Variants in COPG2 observed in about 807,000 individuals in gnomAD.
COPG2 encodes coatomer subunit gamma-2.
Under a neutral mutation model 46.3 loss-of-function variants are expected in COPG2, and 37 were observed. That is an observed-to-expected ratio of 0.80 (90% CI 0.61 to 1.05). COPG2 has a LOEUF of 1.05. Ranked by LOEUF, COPG2 falls within the 50% of genes least tolerant of loss-of-function variation. The probability of loss-of-function intolerance (pLI) is 0.00; values close to 1 mark genes in which losing one functional copy is unlikely to be tolerated. For missense variants in COPG2, 427 were observed against 387.8 expected (o/e 1.10, Z -0.85); for synonymous variants, 159 against 129.7 (o/e 1.23, Z -1.53).
chr7:130,531,098 T>A (rs1490651549), intron 20 of COPG2, among the ~76,000 whole-genome samples: 1 of 108,454 alleles, frequency 9.2e-6, no homozygotes, highest in African/African-American at 3.6e-5. Context: ...TGGGTCTGGG[T>A]TGGGGATGGG....
intron 6 of COPG2, 39 bp downstream of exon 6, chr7:130,616,951 A>T: frequency 7.5e-7 from 1 of 1,333,970 alleles, no homozygotes; most frequent in South Asian, 1.2e-5. Flanking sequence ...AGATAAACAT[A>T]GTGTTCCATT....
At chr7:130,584,498 C>G (rs1013324118) in intron 9 of COPG2, among the ~76,000 whole-genome samples, 3 of 151,934 alleles carry the variant, frequency 2.0e-5, no homozygotes, top group Non-Finnish European at 4.4e-5. Context: ...GCATCCAAAT[C>G]GATAAAGAGG....
chr7:130,586,367 T>C (rs1466370893), intron 9 of COPG2, among the ~76,000 whole-genome samples: 2 of 152,156 alleles, frequency 1.3e-5, no homozygotes, highest in South Asian at 2.1e-4. Context: ...GTGGAGTGTA[T>C]ACTGCTCAGG....
chr7:130,651,287 C>CT (rs1554459014), intron 5 of COPG2, among the ~76,000 whole-genome samples: 1 of 151,656 alleles, frequency 6.6e-6, no homozygotes, highest in African/African-American at 2.4e-5. Context: ...GTCTGTATAA[C>CT]TTCTATCCAC....
At chr7:130,529,868 G>A (rs952685253) in intron 20 of COPG2, among the ~76,000 whole-genome samples, 106 of 152,338 alleles carry the variant, frequency 7.0e-4, no homozygotes, top group African/African-American at 2.5e-3. Flanking sequence ...CTGAATCCAC[G>A]TTTCTGCTGT....
At chr7:130,542,764 AG>A (rs1793357012) in intron 20 of COPG2, among the ~76,000 whole-genome samples, 1 of 152,140 alleles carries the variant, frequency 6.6e-6, no homozygotes, top group Non-Finnish European at 1.5e-5. Flanking sequence ...TTATGGTAAA[AG>A]AAGGGACAGG....
At chr7:130,570,167 C>A (rs1793871944) in intron 9 of COPG2, among the ~76,000 whole-genome samples, 1 of 152,176 alleles carries the variant, frequency 6.6e-6, no homozygotes, top group Non-Finnish European at 1.5e-5. Flanking sequence ...CCACTTTCAT[C>A]ACTTCTATTC....
chr7:130,511,952 C>G, intron 20 of COPG2: 3 of 458,810 alleles, frequency 6.5e-6, no homozygotes, highest in South Asian at 4.6e-5. Flanking sequence ...CAGTGGCTCA[C>G]GCCTGTAATC....
chr7:130,528,992 A>G (rs1426235198), intron 20 of COPG2, among the ~76,000 whole-genome samples: 5 of 152,158 alleles, frequency 3.3e-5, no homozygotes, highest in Admixed American at 3.3e-4. Flanking sequence ...AGGATGTAGA[A>G]GATGCTGGCA....
intron 20 of COPG2, among the ~76,000 whole-genome samples, chr7:130,523,187 A>G (rs1799740043): frequency 6.7e-6 from 1 of 148,302 alleles, no homozygotes; most frequent in Admixed American, 6.7e-5. Flanking sequence ...CCAGGTGGCC[A>G]TAGGGAGTCA....
intron 20 of COPG2, among the ~76,000 whole-genome samples, chr7:130,521,939 G>A (rs972631524): frequency 3.9e-5 from 6 of 152,264 alleles, no homozygotes; most frequent in Non-Finnish European, 7.4e-5. Flanking sequence ...AACAAAAAAG[G>A]TGGAGAGGCA....
chr7:130,510,321 CTG>C (rs1357546088), intron 20 of COPG2: 5 of 468,882 alleles, frequency 1.1e-5, no homozygotes, highest in Admixed American at 9.7e-5. Flanking sequence ...AAAAGAACGA[CTG>C]TGGTTTAATT....
At chr7:130,528,261 G>A (rs1475671188) in intron 20 of COPG2, among the ~76,000 whole-genome samples, 1 of 152,074 alleles carries the variant, frequency 6.6e-6, no homozygotes, top group Admixed American at 6.5e-5. Flanking sequence ...GTGGTGACAG[G>A]AAGAAGGTAG....
intron 2 of COPG2, 58 bp downstream of exon 2, chr7:130,667,424 G>A: frequency 7.1e-7 from 1 of 1,401,714 alleles, no homozygotes; most frequent in Non-Finnish European, 1.0e-6. Flanking sequence ...GGGATTCTCT[G>A]CCCACCACTC....
At chr7:130,654,917 C>CT (rs759645124) in intron 4 of COPG2, among the ~76,000 whole-genome samples, 9 of 150,532 alleles carry the variant, frequency 6.0e-5, no homozygotes, top group Non-Finnish European at 7.4e-5. Context: ...TATTTCTTTT[C>CT]TTTTTTTTTA....
intron 9 of COPG2, among the ~76,000 whole-genome samples, chr7:130,607,238 G>T (rs1554451377): frequency 7.4e-6 from 1 of 134,962 alleles, no homozygotes; most frequent in Admixed American, 7.6e-5. Context: ...GAGAGAGACT[G>T]TCATAAATAA....
intron 20 of COPG2, among the ~76,000 whole-genome samples, chr7:130,533,357 A>G (rs1799847868): frequency 6.6e-6 from 1 of 151,728 alleles, no homozygotes; most frequent in Non-Finnish European, 1.5e-5. Context: ...AAGGAGGGAG[A>G]GACATGGGGA....
At chr7:130,605,274 T>G (rs1554451066) in intron 9 of COPG2, 1 of 519,900 alleles carries the variant, frequency 1.9e-6, no homozygotes, top group Non-Finnish European at 3.8e-6. Context: ...AATTATCTGA[T>G]TCAGTTATTG....
chr7:130,607,889 C>G, intron 9 of COPG2: 1 of 498,708 alleles, frequency 2.0e-6, no homozygotes, highest in Non-Finnish European at 4.0e-6. Context: ...TTTCAGGCAT[C>G]AACTGCTTCC....
Sources: gnomAD v4.1 joint callset for allele counts (sites outside exome capture counted in the v4.1 genomes callset) on GRCh38, gnomAD v4.1.1 for gene constraint, MANE v1.5 for transcripts, NCBI Gene and HGNC (gene_info 2026-07-23, HGNC 2026-07-21) for gene names.